PLEKHA5: variants seen among roughly 807,000 people sequenced by gnomAD.
PLEKHA5 encodes pleckstrin homology domain containing A5.
Under a neutral mutation model 181.9 loss-of-function variants are expected in PLEKHA5, and 55 were observed. That is an observed-to-expected ratio of 0.30 (90% CI 0.24 to 0.38). The LOEUF (loss-of-function observed/expected upper bound fraction) is 0.38, where lower values mean the gene tolerates loss of function less well. Among genes scored for constraint, PLEKHA5 ranks in the 10% least tolerant of loss-of-function variants. PLEKHA5 has a pLI of 1.00. For synonymous variants in PLEKHA5, 535 were observed against 529.4 expected (o/e 1.01, Z -0.15); for missense variants, 1,432 against 1,549.5 (o/e 0.92, Z 1.27).
At chr12:19,281,447 GGTGCCTGTA>G (rs1230361565) in intron 11 of PLEKHA5, among the ~76,000 whole-genome samples, 2 of 151,534 alleles carry the variant, frequency 1.3e-5, no homozygotes, top group African/African-American at 4.8e-5. Flanking sequence ...CATGGTGGCT[GGTGCCTGTA>G]GTCCCAGCTA....
At chr12:19,224,747 C>A (rs1262268702) in intron 3 of PLEKHA5, among the ~76,000 whole-genome samples, 1 of 152,102 alleles carries the variant, frequency 6.6e-6, no homozygotes, top group Non-Finnish European at 1.5e-5. Flanking sequence ...CATTTCATTA[C>A]ATAATGATAG....
Position 19,314,803 on chromosome 12 carries a change from A to AT in PLEKHA5, c.2038-8dup. 6.7e-7 allele frequency: 1 copy of AT among 1,490,212 alleles called. No individual in the cohort carries two copies. The highest frequency in any genetic ancestry group is 9.2e-7 in the Non-Finnish European group (1 of 1,091,094). The allele number at this position is 1,490,212 out of a possible 1,614,324, so 92.3% of individuals were successfully genotyped here. On this transcript the variant is annotated splice_polypyrimidine_tract_variant and intron_variant, in intron 15 of 31. Transcript: ENST00000429027. ...TGATGTTTGCTGTATGCTCCTCCTG[A>AT]TTTGAAATAGATGAAAGAAAATGAA... is the stretch of plus-strand genomic sequence containing the variant.
At chr12:19,141,129 A>G (rs975522749) in intron 3 of PLEKHA5, among the ~76,000 whole-genome samples, 1 of 152,108 alleles carries the variant, frequency 6.6e-6, no homozygotes, top group Non-Finnish European at 1.5e-5. Context: ...GAGTGATGCA[A>G]GTAAATTCTT....
At chr12:19,359,022 G>C (rs1381001874) in intron 27 of PLEKHA5, among the ~76,000 whole-genome samples, 1 of 152,152 alleles carries the variant, frequency 6.6e-6, no homozygotes, top group African/African-American at 2.4e-5. Flanking sequence ...CCTGTTTGTA[G>C]ACACTTGTCA....
chr12:19,158,818 ATT>A (rs2042348468), intron 3 of PLEKHA5, among the ~76,000 whole-genome samples: 2 of 151,980 alleles, frequency 1.3e-5, no homozygotes, highest in Admixed American at 6.6e-5. Context: ...TAGTGACTTA[ATT>A]TTCTTACTGT....
intron 3 of PLEKHA5, among the ~76,000 whole-genome samples, chr12:19,239,040 TTTC>T (rs753661874): frequency 2.0e-5 from 3 of 152,184 alleles, no homozygotes; most frequent in Non-Finnish European, 4.4e-5. Context: ...TGGAATAGTA[TTTC>T]TTAAGGCCCT....
At chr12:19,240,328 G>A (rs2062263219) in intron 3 of PLEKHA5, among the ~76,000 whole-genome samples, 1 of 152,046 alleles carries the variant, frequency 6.6e-6, no homozygotes, top group African/African-American at 2.4e-5. Context: ...ACGCAAAAGA[G>A]TGGATACTTA....
chr12:19,276,921 T>C lies in PLEKHA5; in HGVS notation c.1313+1938T>C, dbSNP rs115009290. Among the ~76,000 whole-genome samples, 929 of 152,310 alleles carry C rather than the reference T, an allele frequency of 6.1e-3. 8 individuals are homozygous for C. Among genetic ancestry groups the C allele is most frequent in the African/African-American group, 0.021 (869 of 41,560 alleles). On this transcript the variant is annotated intron_variant, in intron 11 of 31. Transcript: ENST00000429027. ...TTTCTTTAAAAAGGAAACTGGCAGA[T>C]GCTCAAATTTACCAGTAATCAGGGA...
chr12:19,169,160 G>A (rs1465050493), intron 3 of PLEKHA5, among the ~76,000 whole-genome samples: 1 of 151,780 alleles, frequency 6.6e-6, no homozygotes, highest in Non-Finnish European at 1.5e-5. Context: ...TACTAATATT[G>A]TAGTTAGTTT....
At chr12:19,287,678 C>G in intron 13 of PLEKHA5, 122 bp downstream of exon 13, 3 of 643,046 alleles carry the variant, frequency 4.7e-6, no homozygotes, top group Non-Finnish European at 5.5e-6. Context: ...AACATTACTG[C>G]TTTTGTGCAA....
chr12:19,353,153 T>C (rs2094702108), intron 25 of PLEKHA5, among the ~76,000 whole-genome samples: 1 of 151,664 alleles, frequency 6.6e-6, no homozygotes, highest in South Asian at 2.1e-4. Flanking sequence ...TTTTATTTAT[T>C]TATTTTTTTA....
intron 3 of PLEKHA5, among the ~76,000 whole-genome samples, chr12:19,189,191 GA>G (rs1266897819): frequency 1.3e-5 from 2 of 152,214 alleles, no homozygotes; most frequent in African/African-American, 4.8e-5. Context: ...CATGGCTGGT[GA>G]GGGGGACCGG....
intron 15 of PLEKHA5, among the ~76,000 whole-genome samples, chr12:19,308,458 G>A (rs2084968850): frequency 6.6e-6 from 1 of 152,098 alleles, no homozygotes; most frequent in African/African-American, 2.4e-5. Flanking sequence ...GAAATCTGAT[G>A]GTGTAACCCG....
intron 3 of PLEKHA5, among the ~76,000 whole-genome samples, chr12:19,229,724 C>T (rs2060199048): frequency 6.6e-6 from 1 of 152,166 alleles, no homozygotes; most frequent in African/African-American, 2.4e-5. Context: ...GCTTGGGCAG[C>T]CAGCTTTTAT....
In PLEKHA5 at chr12:19,359,396, T is replaced by C. The variant is rs2095112457; in HGVS notation, c.3349-16T>C. On this transcript the variant is annotated splice_polypyrimidine_tract_variant and intron_variant, in intron 27 of 31. Coordinates refer to ENST00000429027, the MANE Select transcript of PLEKHA5 (RefSeq NM_001256470.2). ...GCACAGTATGAGTATAAAAATGCTA[T>C]ATGTCTTTTGAGCAGACTCGAAGGA... 1 of 1,609,284 alleles carries C rather than the reference T, an allele frequency of 6.2e-7. No individual in the cohort carries two copies. Among genetic ancestry groups the C allele is most frequent in the Non-Finnish European group, 8.5e-7 (1 of 1,176,588 alleles).
chr12:19,210,305 T>C (rs1191565209), intron 3 of PLEKHA5, among the ~76,000 whole-genome samples: 3 of 152,248 alleles, frequency 2.0e-5, no homozygotes, highest in Non-Finnish European at 4.4e-5. Context: ...TTTTTATTTC[T>C]GACATTTTTA....
At chr12:19,276,909 G>A (rs2074697631) in intron 11 of PLEKHA5, among the ~76,000 whole-genome samples, 1 of 152,020 alleles carries the variant, frequency 6.6e-6, no homozygotes, top group Admixed American at 6.6e-5. Flanking sequence ...CTTTAAAAAG[G>A]AAACTGGCAG....
At chr12:19,302,266 A>G (rs2081702013) in intron 15 of PLEKHA5, among the ~76,000 whole-genome samples, 1 of 152,226 alleles carries the variant, frequency 6.6e-6, no homozygotes, top group African/African-American at 2.4e-5. Context: ...AGTGAAGGAC[A>G]GAAGCTCTGC....
At chr12:19,136,076 G>A (rs2035568420) in intron 3 of PLEKHA5, among the ~76,000 whole-genome samples, 1 of 151,760 alleles carries the variant, frequency 6.6e-6, no homozygotes, top group Non-Finnish European at 1.5e-5. Flanking sequence ...GAGAGAGACA[G>A]GGTCTTCCTA....
Sources: allele counts gnomAD v4.1 joint callset (sites outside exome capture counted in the v4.1 genomes callset), GRCh38; gene constraint gnomAD v4.1.1; transcripts MANE v1.5; gene names NCBI Gene and HGNC (gene_info 2026-07-23, HGNC 2026-07-21).